The following FRY variants were observed in gnomAD, a reference collection of about 807,000 sequenced individuals.
FRY encodes the protein FRY microtubule binding protein, also known as protein furry homolog.
A neutral mutation model predicts 348.4 loss-of-function variants in FRY; 128 were observed. The observed-to-expected ratio is 0.37, with a 90% confidence interval of 0.32 to 0.43. The LOEUF is 0.43. Among genes scored for constraint, FRY ranks in the 20% least tolerant of loss-of-function variants. FRY has a pLI of 1.00. For synonymous variants in FRY, 1,370 were observed against 1,374.7 expected, an observed-to-expected ratio of 1.00 and a Z score of 0.08; for missense variants, 2,736 against 3,695.2, an observed-to-expected ratio of 0.74 and a Z score of 6.73.
rs776418472 is a variant in FRY at position 32,278,591 on chromosome 13, A to G, written c.8469+43A>G. The G allele has an allele frequency of 4.4e-5, 45 of 1,032,924 alleles. No individual in the cohort carries two copies. In the Admixed American group the frequency reaches 7.1e-4, roughly 16 times the overall value. 64.0% of individuals were successfully genotyped at this position (1,032,924 alleles called of 1,614,324 possible). A position where few individuals can be genotyped will look rare whatever the true frequency, so the allele number is the denominator to read the frequency against. The stretch of plus-strand genomic sequence containing the variant: ...GAATGGGTCTCTTGTGTGCTCTAAC[A>G]TTGTGTATTAGTTTTGGTCTACCCA... On this transcript the variant is annotated intron_variant, in intron 58 of 60. Coordinates refer to ENST00000542859, the MANE Select transcript of FRY (RefSeq NM_023037.3).
At chr13:32,173,037 AC>A (rs1343579802) in intron 18 of FRY, among the ~76,000 whole-genome samples, 1 of 152,250 alleles carries the variant, frequency 6.6e-6, no homozygotes. Flanking sequence ...AACTTTGGCC[AC>A]TTTGATTGTA....
chr13:32,053,815 G>A (rs1873473497), intron 1 of FRY, among the ~76,000 whole-genome samples: 1 of 152,116 alleles, frequency 6.6e-6, no homozygotes, highest in Non-Finnish European at 1.5e-5. Context: ...CAGGTTGTGG[G>A]GATGAGGATA....
chr13:32,219,574 C>T lies in FRY; in HGVS notation c.4765+743C>T, dbSNP rs184560759. On this transcript the variant is annotated intron_variant, in intron 36 of 60. Transcript: ENST00000542859. ...GAGATTGAGACCATCCTGGCTAACA[C>T]GGTGAAACCCCATCTCTACTAAAAA... 4.5e-3 allele frequency among the ~76,000 whole-genome samples: 655 copies of T among 147,040 alleles called. 6 individuals are homozygous for T. The highest frequency in any genetic ancestry group is 0.015 in the African/African-American group (621 of 40,966).
chr13:32,072,865 G>T (rs1455432415), intron 1 of FRY, among the ~76,000 whole-genome samples: 1 of 152,196 alleles, frequency 6.6e-6, no homozygotes, highest in Non-Finnish European at 1.5e-5. Flanking sequence ...AATAATTTAT[G>T]TACAACCATG....
intron 3 of FRY, among the ~76,000 whole-genome samples, chr13:32,116,487 T>C (rs750651234): frequency 6.6e-6 from 1 of 152,220 alleles, no homozygotes; most frequent in Non-Finnish European, 1.5e-5. Context: ...AGTTTCATTA[T>C]ATGAAATTTT....
chr13:32,252,345 C>T (rs1887127087), intron 50 of FRY, among the ~76,000 whole-genome samples: 1 of 152,176 alleles, frequency 6.6e-6, no homozygotes, highest in Non-Finnish European at 1.5e-5. Context: ...TTCTTACTCT[C>T]ATGTCCTTAT....
rs371227699 is a variant in FRY at position 32,274,402 on chromosome 13, T to G, written c.8137-440T>G. Among the ~76,000 whole-genome samples the G allele has an allele frequency of 2.1e-3, 327 of 152,166 alleles. 1 individual carries two copies. Among genetic ancestry groups the G allele is most frequent in the African/African-American group, 7.5e-3 (312 of 41,510 alleles). The stretch of plus-strand genomic sequence containing the variant: ...GTTGTACACAGTAAACATATACAAT[T>G]TTTATGTCAAGTAAAAAAATCAGGG... On this transcript the variant is annotated intron_variant, in intron 55 of 60. Coordinates refer to ENST00000542859, the MANE Select transcript of FRY (RefSeq NM_023037.3).
rs1423809753 is a variant in FRY at position 32,295,242 on chromosome 13, G to C, written c.8824G>C (p.Asp2942His). The C allele has an allele frequency of 6.2e-7, 1 of 1,613,756 alleles. No homozygotes were observed. Among genetic ancestry groups the C allele is most frequent in the Admixed American group, 1.7e-5 (1 of 60,008 alleles). ...PNDIFGSSSD[D>H]EVQTLLNIYF... ...TGACATCTTTGGAAGCAGTTCTGAT[G>C]ATGAGGTCCAGACACTACTGAATAT... Residue 2942 changes from aspartate (D) to histidine (H), a missense_variant, in exon 61 of 61, where the codon GAT (aspartate) becomes CAT (histidine). By Grantham distance (81) the Asp-to-His change is moderately conservative. Transcript: ENST00000542859.
intron 18 of FRY, among the ~76,000 whole-genome samples, chr13:32,171,608 G>C (rs773243569): frequency 6.6e-6 from 1 of 151,992 alleles, no homozygotes; most frequent in African/African-American, 2.4e-5. Context: ...CACCATGCCC[G>C]GCTGAATTTA....
chr13:32,102,366 A>G (rs1205424059), intron 3 of FRY, among the ~76,000 whole-genome samples: 2 of 152,210 alleles, frequency 1.3e-5, no homozygotes, highest in Admixed American at 6.5e-5. Flanking sequence ...GAATGATACT[A>G]TGTGATGATC....
chr13:32,095,370 C>T (rs1201830230), intron 2 of FRY, among the ~76,000 whole-genome samples: 39 of 77,092 alleles, frequency 5.1e-4, no homozygotes, highest in African/African-American at 1.4e-3. Context: ...TTTTTTGAGA[C>T]GGAGTCTCAC....
intron 47 of FRY, among the ~76,000 whole-genome samples, chr13:32,245,391 G>A (rs1303311984): frequency 1.3e-5 from 2 of 152,008 alleles, no homozygotes; most frequent in Non-Finnish European, 2.9e-5. Context: ...GATCGCTTGA[G>A]GCCAGGAGTT....
chr13:32,295,521 C>A lies in FRY; in HGVS notation c.*61C>A. ...CAGTGCTGCCATGCTGGGGCAACGT[C>A]ATTCAGTGTCTTCTCGGCCTTCAAA... On this transcript the variant is annotated 3_prime_UTR_variant, in exon 61 of 61. Transcript: ENST00000542859. 2 of 1,489,172 alleles carry A rather than the reference C, an allele frequency of 1.3e-6. No homozygotes were observed. Among genetic ancestry groups the A allele is most frequent in the Non-Finnish European group, 1.9e-6 (2 of 1,075,904 alleles). The allele number at this position is 1,489,172 out of a possible 1,614,324, so 92.2% of individuals were successfully genotyped here. A position where few individuals can be genotyped will look rare whatever the true frequency, so the allele number is the denominator to read the frequency against.
intron 55 of FRY, among the ~76,000 whole-genome samples, chr13:32,271,111 C>A (rs1005304297): frequency 1.3e-5 from 2 of 152,156 alleles, no homozygotes; most frequent in Admixed American, 6.5e-5. Flanking sequence ...ACCTGCCTGG[C>A]ACCTGGCAAC....
chr13:32,248,972 C>T (rs1288313388), intron 48 of FRY, among the ~76,000 whole-genome samples: 2 of 152,154 alleles, frequency 1.3e-5, no homozygotes, highest in African/African-American at 4.8e-5. Context: ...GAGGCCTGCT[C>T]GGAGCTTGAG....
intron 30 of FRY, 78 bp downstream of exon 30, chr13:32,202,118 C>A (rs1884064540): frequency 2.2e-6 from 2 of 906,866 alleles, no homozygotes; most frequent in Non-Finnish European, 3.7e-6. Context: ...TACCTAATAG[C>A]TGTTTATTGA....
chr13:32,249,662 G>T lies in FRY; in HGVS notation c.7145G>T (p.Ser2382Ile), dbSNP rs182761501. Residue 2382 changes from serine (S) to isoleucine (I), a missense_variant, in exon 49 of 61, where the codon AGC becomes ATC. Around this residue, in one of 9 missense-constraint regions of FRY, gnomAD observed 789 missense variants for 996.2 expected, o/e 0.79. Coordinates refer to ENST00000542859, the MANE Select transcript of FRY (RefSeq NM_023037.3). ...GSNSNVLVPV[S>I]WKRPQYSQKR... ...AACTCCAACGTCCTTGTTCCAGTGA[G>T]CTGGAAAAGGCCCCAGTATTCTCAG... The T allele has an allele frequency of 6.2e-7, 1 of 1,614,108 alleles. No individual in the cohort carries two copies. The highest frequency in any genetic ancestry group is 2.2e-5 in the East Asian group (1 of 44,862).
Position 32,239,711 on chromosome 13 carries a change from G to A in FRY, c.6517G>A (p.Val2173Ile). The A allele has an allele frequency of 6.2e-7, 1 of 1,604,362 alleles. No homozygotes were observed. Residue 2173 changes from valine to isoleucine, a missense_variant and splice_region_variant, in exon 46 of 61, where the codon GTT becomes ATT. Transcript: ENST00000542859. The surrounding 1 kb of genome is among the most constrained non-coding windows in gnomAD (Gnocchi z 4.3). ...CTAATTGATTTTTTTATTTTAAAAG[G>A]TTTGTTTAGAAGAGAAGAACCCCAA... is the stretch of plus-strand genomic sequence containing the variant. The part of the protein sequence containing the change: ...CKDIAERIAQ[V>I]CLEEKNPKLS...
chr13:32,254,928 C>T (rs879188315), intron 51 of FRY, among the ~76,000 whole-genome samples: 2 of 152,118 alleles, frequency 1.3e-5, no homozygotes, highest in Admixed American at 6.5e-5. Flanking sequence ...CTGCTTAGCT[C>T]GGTGGCTGGT....
Sources: gnomAD v4.1 joint callset for allele counts (sites outside exome capture counted in the v4.1 genomes callset) on GRCh38, gnomAD v4.1.1 for gene constraint, gnomAD v4.1.1 regional missense constraint, Gnocchi (gnomAD v3.1) non-coding constraint, MANE v1.5 for transcripts, NCBI Gene and HGNC (gene_info 2026-07-23, HGNC 2026-07-21) for gene names.